UTP4: variants seen among roughly 807,000 people sequenced by gnomAD.
The protein encoded by UTP4 is U3 small nucleolar RNA-associated protein 4 homolog.
UTP4 carries 45 observed loss-of-function variants against 82.4 expected under a neutral mutation model. The observed-to-expected ratio is 0.55, with a 90% CI of 0.43 to 0.70. The LOEUF is 0.70. Among genes scored for constraint, UTP4 ranks in the 30% least tolerant of loss-of-function variants. UTP4 has a pLI of 0.00. For missense variants in UTP4, 819 were observed against 858.3 expected, an observed-to-expected ratio of 0.95 and a Z score of 0.57; for synonymous variants, 348 against 300.3, an observed-to-expected ratio of 1.16 and a Z score of -1.64.
chr16:69,161,348 C>T (rs1355311702), intron 13 of UTP4, among the ~76,000 whole-genome samples: 1 of 152,224 alleles, frequency 6.6e-6, no homozygotes, highest in Non-Finnish European at 1.5e-5. Context: ...AGAATAACAT[C>T]AAACTGCAAC....
Position 69,150,545 on chromosome 16 carries a change from C to T in UTP4, c.747C>T (p.Asp249=), listed in dbSNP as rs774189017. ...VQSIAVADQE[D]SFVVGTAEGT... The stretch of plus-strand genomic sequence containing the variant: ...ATGATTTAATTCCTCAGCAAGAAGA[C>T]AGTTTCGTGGTGGGCACAGCCGAGG... Residue 249 remains aspartate, a synonymous_variant, in exon 7 of 17, where the codon GAC becomes GAT. Transcript: ENST00000314423. The T allele has an allele frequency of 1.2e-6, 2 of 1,614,190 alleles. No homozygotes were observed. Among genetic ancestry groups the T allele is most frequent in the South Asian group, 2.2e-5 (2 of 91,082 alleles).
chr16:69,156,875 G>A (rs763623347), intron 11 of UTP4, among the ~76,000 whole-genome samples: 164 of 152,220 alleles, frequency 1.1e-3, no homozygotes, highest in Non-Finnish European at 1.9e-3. Context: ...GTGCGACTTA[G>A]TTATTTCCTT....
intron 6 of UTP4, 117 bp downstream of exon 6, chr16:69,143,506 A>T (rs1963025652): frequency 2.2e-6 from 2 of 923,626 alleles, no homozygotes; most frequent in Non-Finnish European, 3.5e-6. Context: ...GTACTGGAGG[A>T]AGATGAGTTT....
chr16:69,138,642 C>A (rs1962874904), intron 4 of UTP4, among the ~76,000 whole-genome samples: 1 of 152,176 alleles, frequency 6.6e-6, no homozygotes, highest in Admixed American at 6.5e-5. Flanking sequence ...TTGGCATTGA[C>A]CCTTTAGAAC....
chr16:69,166,789 T>G, intron 15 of UTP4: 1 of 415,040 alleles, frequency 2.4e-6, no homozygotes, highest in East Asian at 4.9e-5. Flanking sequence ...CTGCATGGAG[T>G]TAACAAGCTC....
At chr16:69,143,442 T>G (rs898817049) in intron 6 of UTP4, 53 bp downstream of exon 6, 19 of 1,514,820 alleles carry the variant, frequency 1.3e-5, no homozygotes, top group Non-Finnish European at 1.6e-5. Context: ...TGGGGTGAGT[T>G]GAGAAAGCAG....
intron 11 of UTP4, 91 bp from the exon 12 acceptor site, chr16:69,156,993 C>A: frequency 7.4e-7 from 1 of 1,353,672 alleles, no homozygotes; most frequent in Non-Finnish European, 1.1e-6. Context: ...AGACAGGAAG[C>A]ATTAATGTAC....
At chr16:69,157,743 C>T (rs1963457762) in intron 12 of UTP4, among the ~76,000 whole-genome samples, 1 of 151,674 alleles carries the variant, frequency 6.6e-6, no homozygotes, top group Non-Finnish European at 1.5e-5. Context: ...TATAGACACT[C>T]ACCACTATGC....
At chr16:69,155,761 A>C (rs1371959734) in intron 10 of UTP4, 110 bp from the exon 11 acceptor site, 5 of 1,090,900 alleles carry the variant, frequency 4.6e-6, no homozygotes, top group Non-Finnish European at 7.1e-6. Flanking sequence ...GATTATGTGT[A>C]GATATCTGTG....
intron 9 of UTP4, 105 bp from the exon 10 acceptor site, chr16:69,154,288 C>A: frequency 1.1e-6 from 1 of 872,946 alleles, no homozygotes; most frequent in Non-Finnish European, 1.9e-6. Flanking sequence ...TTCTGATTTC[C>A]CACTGATAGA....
intron 14 of UTP4, among the ~76,000 whole-genome samples, chr16:69,163,955 C>T (rs932853104): frequency 8.0e-5 from 12 of 149,616 alleles, no homozygotes; most frequent in South Asian, 6.3e-4. Flanking sequence ...GTGCGATCTC[C>T]GATCACTGCA....
At chr16:69,157,049 T>G in intron 11 of UTP4, 35 bp from the exon 12 acceptor site, 1 of 1,612,932 alleles carries the variant, frequency 6.2e-7, no homozygotes, top group Non-Finnish European at 8.5e-7. Context: ...AGGTCTCCCT[T>G]CTCTCACTGG....
chr16:69,162,278 A>T lies in UTP4; in HGVS notation c.1552-805A>T, dbSNP rs1046979494. Reference sequence around the variant, plus strand: ...CACTGCGCCCGGCCAACCAATAGGTATTTTTTTAAGAAAATGAGGACTGGT... The same window carrying T: ...CACTGCGCCCGGCCAACCAATAGGTTTTTTTTTAAGAAAATGAGGACTGGT... On this transcript the variant is annotated intron_variant, in intron 13 of 16. Transcript: ENST00000314423. Among the ~76,000 whole-genome samples, 4 of 149,250 alleles carry T rather than the reference A, an allele frequency of 2.7e-5. 1 individual carries two copies. The highest frequency in any genetic ancestry group is 9.8e-5 in the African/African-American group (4 of 40,842).
chr16:69,143,672 C>T (rs568999883), intron 6 of UTP4, among the ~76,000 whole-genome samples: 11 of 152,232 alleles, frequency 7.2e-5, no homozygotes, highest in Admixed American at 3.9e-4. Flanking sequence ...GGCACAGCAG[C>T]CTAGAAGAAT....
At chr16:69,149,908 T>C (rs1176972393) in intron 6 of UTP4, among the ~76,000 whole-genome samples, 1 of 152,032 alleles carries the variant, frequency 6.6e-6, no homozygotes, top group African/African-American at 2.4e-5. Context: ...TTTGTATTTT[T>C]AGTAGCGACG....
rs753272736 is a variant in UTP4, at chr16:69,133,542, C to T, written c.83C>T (p.Ser28Leu). ...GIRCVAYNNQ[S>L]NRLAVSRTDG... Reference sequence around the variant, plus strand: ...CGCTGTGTGGCTTACAATAACCAGTCAAACAGATTGGCTGTTTCACGAACA... The same window carrying T: ...CGCTGTGTGGCTTACAATAACCAGTTAAACAGATTGGCTGTTTCACGAACA... The change falls in exon 2 of 17, where the codon TCA becomes TTA. Residue 28 changes from serine to leucine, a missense_variant. Physicochemically the swap from Ser to Leu is moderately radical, Grantham distance 145 (BLOSUM62 -2). Coordinates refer to ENST00000314423, the MANE Select transcript of UTP4 (RefSeq NM_032830.3). 21 of 1,613,958 alleles carry T rather than the reference C, an allele frequency of 1.3e-5. No homozygotes were observed. Among genetic ancestry groups the T allele is most frequent in the Non-Finnish European group, 1.7e-6 (2 of 1,179,972 alleles).
intron 2 of UTP4, among the ~76,000 whole-genome samples, chr16:69,133,948 C>T (rs1271559077): frequency 2.6e-5 from 4 of 152,140 alleles, no homozygotes; most frequent in African/African-American, 9.7e-5. Flanking sequence ...GCAAAATTTC[C>T]TGCAGGGAGT....
At chr16:69,147,178 A>AAATAATAATAATAAT (rs59985843) in intron 6 of UTP4, among the ~76,000 whole-genome samples, 2 of 132,520 alleles carry the variant, frequency 1.5e-5, no homozygotes, top group African/African-American at 2.8e-5. Context: ...CTCCAGCTCA[A>AAATAATAATAATAAT]AATAATAATA....
chr16:69,144,664 T>C (rs1219199852), intron 6 of UTP4, among the ~76,000 whole-genome samples: 1 of 152,276 alleles, frequency 6.6e-6, no homozygotes, highest in Non-Finnish European at 1.5e-5. Flanking sequence ...GACATCCATA[T>C]TCTAGTGTAG....
Sources: gnomAD v4.1 joint callset for allele counts (sites outside exome capture counted in the v4.1 genomes callset) on GRCh38, gnomAD v4.1.1 for gene constraint, MANE v1.5 for transcripts, NCBI Gene and HGNC (gene_info 2026-07-23, HGNC 2026-07-21) for gene names.